The following GMDS variants were observed in gnomAD, a reference collection of about 807,000 sequenced individuals.
The protein encoded by GMDS is GDP-mannose 4,6-dehydratase, also known as GDP-mannose 4,6 dehydratase.
A neutral mutation model predicts 49.9 loss-of-function variants in GMDS; 20 were observed. That is an observed-to-expected ratio of 0.40 (90% CI 0.28 to 0.58). The LOEUF is 0.58. GMDS is among the 20% of genes least tolerant of loss of function. GMDS has a pLI of 0.42. For missense variants in GMDS, 362 were observed against 481.4 expected (o/e 0.75, Z 2.32); for synonymous variants, 177 against 178.6 (o/e 0.99, Z 0.07).
chr6:1,928,709 C>T (rs1157799850), intron 7 of GMDS, among the ~76,000 whole-genome samples: 2 of 152,146 alleles, frequency 1.3e-5, no homozygotes, highest in Non-Finnish European at 2.9e-5. Flanking sequence ...TGGCTCATCC[C>T]TGTAATCCCA....
intron 6 of GMDS, chr6:1,930,807 C>A (rs908842713): frequency 6.6e-6 from 1 of 152,170 alleles, no homozygotes; most frequent in Admixed American, 6.5e-5. Context: ...TATTTAGAAA[C>A]CTGCACAGCC....
At chr6:2,204,670 G>A (rs1386713979) in intron 1 of GMDS, among the ~76,000 whole-genome samples, 2 of 152,228 alleles carry the variant, frequency 1.3e-5, no homozygotes, top group African/African-American at 2.4e-5. Context: ...TTCAGATGGT[G>A]CAGAACGGAG....
intron 4 of GMDS, among the ~76,000 whole-genome samples, chr6:1,962,334 A>T (rs1402658850): frequency 1.3e-5 from 2 of 152,206 alleles, no homozygotes; most frequent in East Asian, 3.8e-4. Flanking sequence ...TTTCATACAA[A>T]TGGAATCATA....
intron 1 of GMDS, among the ~76,000 whole-genome samples, chr6:2,203,782 C>T (rs968118039): frequency 4.6e-5 from 7 of 152,096 alleles, no homozygotes; most frequent in African/African-American, 1.4e-4. Flanking sequence ...AGTAGAAAAC[C>T]TTGCTGTAGG....
chr6:1,977,381 G>A (rs947342325), intron 4 of GMDS, among the ~76,000 whole-genome samples: 1 of 152,178 alleles, frequency 6.6e-6, no homozygotes, highest in Non-Finnish European at 1.5e-5. Flanking sequence ...AATTCAGGAT[G>A]CCACACAAGT....
rs530310786 is a variant in GMDS, at chr6:1,856,254, C to G, written c.771+73849G>C. On this transcript the variant is annotated intron_variant, in intron 7 of 10. Coordinates refer to ENST00000380815, the MANE Select transcript of GMDS (RefSeq NM_001500.4). ...CTTCTGATTTTGGTGAATAAAGTTGCTGAAAATGAAAACTCTCTTTATAAT... is the reference window on the plus strand; with the variant it reads ...CTTCTGATTTTGGTGAATAAAGTTGGTGAAAATGAAAACTCTCTTTATAAT... Among the ~76,000 whole-genome samples the G allele has an allele frequency of 3.9e-5, 6 of 152,228 alleles. No individual in the cohort carries two copies. The South Asian group carries it at 1.2e-3, about 32-fold the overall frequency.
At chr6:2,064,609 C>G (rs551632118) in intron 4 of GMDS, among the ~76,000 whole-genome samples, 4 of 152,146 alleles carry the variant, frequency 2.6e-5, no homozygotes, top group African/African-American at 9.7e-5. Context: ...ATTACCCATG[C>G]CCCTTCATCC....
intron 7 of GMDS, among the ~76,000 whole-genome samples, chr6:1,769,025 A>G (rs975700141): frequency 6.6e-6 from 1 of 152,248 alleles, no homozygotes; most frequent in African/African-American, 2.4e-5. Context: ...CTGTCTGATT[A>G]TACTATATTC....
chr6:1,856,645 G>C (rs1235636274), intron 7 of GMDS, among the ~76,000 whole-genome samples: 1 of 152,242 alleles, frequency 6.6e-6, no homozygotes, highest in African/African-American at 2.4e-5. Flanking sequence ...TGGACAAAAT[G>C]CAAGAGTACA....
At chr6:1,799,412 C>T (rs964232066) in intron 7 of GMDS, among the ~76,000 whole-genome samples, 3 of 152,124 alleles carry the variant, frequency 2.0e-5, no homozygotes, top group African/African-American at 4.8e-5. Context: ...CAGCCACCTG[C>T]CTTTGGTCTA....
intron 7 of GMDS, among the ~76,000 whole-genome samples, chr6:1,825,306 G>A (rs1267562750): frequency 1.3e-5 from 2 of 152,110 alleles, no homozygotes; most frequent in African/African-American, 4.8e-5. Flanking sequence ...ATTCTACAAA[G>A]CATATATTTT....
intron 9 of GMDS, among the ~76,000 whole-genome samples, chr6:1,630,325 G>A (rs1201009292): frequency 6.6e-6 from 1 of 152,252 alleles, no homozygotes; most frequent in Non-Finnish European, 1.5e-5. Context: ...TGTGGCCTAT[G>A]CAGTTTATGC....
intron 7 of GMDS, among the ~76,000 whole-genome samples, chr6:1,863,079 TA>T (rs1182621156): frequency 6.6e-6 from 1 of 152,244 alleles, no homozygotes; most frequent in Non-Finnish European, 1.5e-5. Flanking sequence ...GAAGCTTTTT[TA>T]GTAACTCTGA....
At chr6:2,049,875 A>G (rs1181595022) in intron 4 of GMDS, among the ~76,000 whole-genome samples, 1 of 152,244 alleles carries the variant, frequency 6.6e-6, no homozygotes, top group Non-Finnish European at 1.5e-5. Flanking sequence ...ACACATGTAA[A>G]GCAGTGTGTA....
chr6:1,828,282 A>G (rs1033737732), intron 7 of GMDS, among the ~76,000 whole-genome samples: 1 of 152,174 alleles, frequency 6.6e-6, no homozygotes, highest in Non-Finnish European at 1.5e-5. Context: ...AAAAGTGAAC[A>G]GCGCCTAAGG....
At chr6:2,164,634 G>A (rs761856541) in intron 1 of GMDS, among the ~76,000 whole-genome samples, 3 of 152,070 alleles carry the variant, frequency 2.0e-5, no homozygotes, top group Non-Finnish European at 4.4e-5. Flanking sequence ...CCCAACTTTC[G>A]GCACCCCCTT....
intron 9 of GMDS, among the ~76,000 whole-genome samples, chr6:1,678,171 G>T (rs1293347996): frequency 6.6e-6 from 1 of 152,066 alleles, no homozygotes; most frequent in Admixed American, 6.6e-5. Flanking sequence ...CCCTTAGTAG[G>T]TTCTCAAGGC....
Position 2,082,091 on chromosome 6 carries a change from A to T in GMDS, c.345+33680T>A, listed in dbSNP as rs189750564. ...GTTCATCCCAGCTATACAAACAATT[A>T]TATGCATAGTAATAACATTCAAGAT... On this transcript the variant is annotated intron_variant, in intron 4 of 10. Transcript: ENST00000380815. Among the ~76,000 whole-genome samples, 102 of 152,310 alleles carry T rather than the reference A, an allele frequency of 6.7e-4. 1 individual carries two copies. Among genetic ancestry groups the T allele is most frequent in the African/African-American group, 2.4e-3 (99 of 41,570 alleles).
chr6:2,066,737 A>G (rs1177475270), intron 4 of GMDS, among the ~76,000 whole-genome samples: 1 of 152,212 alleles, frequency 6.6e-6, no homozygotes, highest in Non-Finnish European at 1.5e-5. Context: ...ATATGCGCCC[A>G]ATACAGGAGC....
Sources: gnomAD v4.1 joint callset for allele counts (sites outside exome capture counted in the v4.1 genomes callset) on GRCh38, gnomAD v4.1.1 for gene constraint, MANE v1.5 for transcripts, NCBI Gene and HGNC (gene_info 2026-07-23, HGNC 2026-07-21) for gene names.